Variants in PDE4D observed in about 807,000 individuals in gnomAD.
PDE4D encodes 3',5'-cyclic-AMP phosphodiesterase 4D.
Under a neutral mutation model 87.4 loss-of-function variants are expected in PDE4D, and 24 were observed. The ratio of observed to expected loss-of-function variants is 0.27; its 90% CI spans 0.20 to 0.39. The LOEUF (loss-of-function observed/expected upper bound fraction) is 0.39. Among genes scored for constraint, PDE4D ranks in the 10% least tolerant of loss-of-function variants. PDE4D has a pLI of 1.00. For synonymous variants in PDE4D, 384 were observed against 383.2 expected, an observed-to-expected ratio of 1.00 and a Z score of -0.02; for missense variants, 714 against 1,041.0, an observed-to-expected ratio of 0.69 and a Z score of 4.32.
rs1817251911 is a variant in PDE4D, at chr5:59,546,263, G to T, written c.456-330295C>A. 3.3e-5 allele frequency among the ~76,000 whole-genome samples: 5 copies of T among 152,070 alleles called. No individual in the cohort carries two copies. In the South Asian group the frequency reaches 1.0e-3, roughly 31 times the overall value. On this transcript the variant is annotated intron_variant, in intron 1 of 14. Coordinates refer to ENST00000340635, the MANE Select transcript of PDE4D (RefSeq NM_001104631.2). Reference sequence around the variant, plus strand: ...TTATATTTATCTTTACATAAATGCAGCTACAAAATATAATTTTGTATTTTT... The same window carrying T: ...TTATATTTATCTTTACATAAATGCATCTACAAAATATAATTTTGTATTTTT...
chr5:60,493,716 C>A (rs753620148), intron 1 of PDE4D, among the ~76,000 whole-genome samples: 1 of 152,120 alleles, frequency 6.6e-6, no homozygotes, highest in Non-Finnish European at 1.5e-5. Flanking sequence ...TCCTGAGAAC[C>A]CAGGCTCACA....
chr5:60,498,524 A>G (rs548807922), intron 1 of PDE4D, among the ~76,000 whole-genome samples: 1 of 152,306 alleles, frequency 6.6e-6, no homozygotes, highest in South Asian at 2.1e-4. Flanking sequence ...CCTGGGCCAC[A>G]GGGATGGCCA....
chr5:59,734,989 C>A (rs1757884697), intron 1 of PDE4D, among the ~76,000 whole-genome samples: 1 of 152,090 alleles, frequency 6.6e-6, no homozygotes, highest in Non-Finnish European at 1.5e-5. Context: ...CTTATAAAAC[C>A]CCTTGAACCC....
intron 2 of PDE4D, among the ~76,000 whole-genome samples, chr5:60,065,481 C>T (rs561097788): frequency 6.6e-6 from 1 of 151,936 alleles, no homozygotes; most frequent in African/African-American, 2.4e-5. Flanking sequence ...TACATGTGTA[C>T]AATGTGCAGG....
At chr5:60,001,778 G>A (rs1764038861) in intron 2 of PDE4D, among the ~76,000 whole-genome samples, 1 of 150,190 alleles carries the variant, frequency 6.7e-6, no homozygotes, top group African/African-American at 2.4e-5. Context: ...AAAGTGTAGA[G>A]TTTTTGTATG....
intron 1 of PDE4D, among the ~76,000 whole-genome samples, chr5:59,574,072 T>A (rs1224882836): frequency 9.7e-4 from 12 of 12,330 alleles, no homozygotes; most frequent in Admixed American, 3.3e-3. Context: ...ATATATATAT[T>A]TATATATATA....
At chr5:60,220,971 C>T (rs1182514641) in intron 1 of PDE4D, among the ~76,000 whole-genome samples, 1 of 152,078 alleles carries the variant, frequency 6.6e-6, no homozygotes. Context: ...TAATCCTCAA[C>T]ACTAAAGATC....
intron 1 of PDE4D, among the ~76,000 whole-genome samples, chr5:60,322,051 T>C (rs1007562873): frequency 6.6e-6 from 1 of 152,090 alleles, no homozygotes; most frequent in Non-Finnish European, 1.5e-5. Context: ...ACCCCATTAT[T>C]GGGTTTATAC....
At chr5:59,877,501 GAA>G (rs1483388787) in intron 1 of PDE4D, among the ~76,000 whole-genome samples, 2 of 86,990 alleles carry the variant, frequency 2.3e-5, no homozygotes, top group East Asian at 7.0e-4. Context: ...AAAAAAAAAA[GAA>G]GAAGAACAAA....
chr5:60,163,633 T>C (rs1782644381), intron 2 of PDE4D, among the ~76,000 whole-genome samples: 1 of 152,180 alleles, frequency 6.6e-6, no homozygotes, highest in African/African-American at 2.4e-5. Context: ...GGCTCAGTTG[T>C]AGCACTGCTC....
At chr5:59,894,375 G>C (rs1453193528), upstream of PDE4D, among the ~76,000 whole-genome samples, 1 of 152,208 alleles carries the variant, frequency 6.6e-6, no homozygotes, top group African/African-American at 2.4e-5. Context: ...CTGGAATATT[G>C]TCTATGCGCG....
At chr5:59,501,184 C>T in intron 1 of PDE4D, among the ~76,000 whole-genome samples, 1 of 152,276 alleles carries the variant, frequency 6.6e-6, no homozygotes, top group East Asian at 1.9e-4. Flanking sequence ...ATTTTCATTA[C>T]AATTTATCAT....
At chr5:59,429,449 GT>G (rs74585338) in intron 1 of PDE4D, among the ~76,000 whole-genome samples, 6,099 of 152,140 alleles carry the variant, frequency 0.04, 349 homozygotes, top group East Asian at 0.14. Context: ...TTATAATAAG[GT>G]GAAATCTGGC....
chr5:60,244,570 A>G (rs1449221454), intron 1 of PDE4D, among the ~76,000 whole-genome samples: 1 of 151,946 alleles, frequency 6.6e-6, no homozygotes, highest in East Asian at 1.9e-4. Context: ...CTATAGTAAC[A>G]AAAACAGCAT....
chr5:60,515,083 AC>A (rs964666591), intron 1 of PDE4D, among the ~76,000 whole-genome samples: 2 of 152,192 alleles, frequency 1.3e-5, no homozygotes, highest in Non-Finnish European at 2.9e-5. Flanking sequence ...TCAAATACAT[AC>A]AAATACATCT....
At chr5:59,007,065 G>A (rs1057325396) in intron 6 of PDE4D, among the ~76,000 whole-genome samples, 9 of 152,048 alleles carry the variant, frequency 5.9e-5, no homozygotes, top group Non-Finnish European at 1.2e-4. Flanking sequence ...TAATAGATCC[G>A]TTAATATAAT....
chr5:60,061,714 A>G (rs1163792474), intron 2 of PDE4D, among the ~76,000 whole-genome samples: 1 of 152,190 alleles, frequency 6.6e-6, no homozygotes, highest in Admixed American at 6.5e-5. Context: ...AAAACATGGT[A>G]CAGGTATCAA....
chr5:59,865,235 T>G (rs775506778), intron 1 of PDE4D, among the ~76,000 whole-genome samples: 7 of 152,204 alleles, frequency 4.6e-5, no homozygotes, highest in Non-Finnish European at 8.8e-5. Context: ...AATTCTTCAA[T>G]AGATTAAACA....
chr5:59,273,641 G>T (rs145945964), intron 1 of PDE4D, among the ~76,000 whole-genome samples: 40 of 152,106 alleles, frequency 2.6e-4, no homozygotes, highest in South Asian at 1.9e-3. Flanking sequence ...TGCATATATA[G>T]AGAGAGATTT....
Sources: gnomAD v4.1 joint callset for allele counts (sites outside exome capture counted in the v4.1 genomes callset) on GRCh38, gnomAD v4.1.1 for gene constraint, MANE v1.5 for transcripts, NCBI Gene and HGNC (gene_info 2026-07-23, HGNC 2026-07-21) for gene names.